KCTD19: variants seen among roughly 807,000 people sequenced by gnomAD.
KCTD19 encodes the protein potassium channel tetramerization domain containing 19.
A neutral mutation model predicts 103.5 loss-of-function variants in KCTD19; 67 were observed. That is an observed-to-expected ratio of 0.65 (90% CI 0.53 to 0.79). The LOEUF (loss-of-function observed/expected upper bound fraction) is 0.79. Ranked by LOEUF, KCTD19 falls within the 30% of genes least tolerant of loss-of-function variation. KCTD19 has a pLI of 0.00. For missense variants in KCTD19, 980 were observed against 1,136.1 expected (o/e 0.86, Z 1.98); for synonymous variants, 439 against 452.2 (o/e 0.97, Z 0.37).
chr16:67,321,017 A>G lies in KCTD19; in HGVS notation c.4-132T>C, dbSNP rs1036046094. On this transcript the variant is annotated intron_variant, in intron 1 of 15. Transcript: ENST00000304372. ...GTATATAAAAAATCCTAAGGAATTC[A>G]CCAGAAAACTATTAGAAATAAGTCC... 5 of 828,402 alleles carry G rather than the reference A, an allele frequency of 6.0e-6. No individual in the cohort carries two copies. The African/African-American group carries it at 6.9e-5, about 11-fold the overall frequency. 51.3% of individuals were successfully genotyped at this position (828,402 alleles called of 1,614,324 possible).
rs537012804 is a variant in KCTD19 at position 67,297,563 on chromosome 16, T to C, written c.1087A>G (p.Ile363Val). ...LDKRDITYEP[I>V]KVALKTHLEP... is the part of the protein sequence containing the mutation. ...AGATGAGTCTTCAAAGCAACTTTGA[T>C]TGGCTCGTAGGTGATGTCCCTTTTG... Residue 363 changes from isoleucine to valine, a missense_variant, in exon 7 of 16, where the codon ATC becomes GTC. Ile to Val is a conservative substitution (Grantham distance 29). Transcript: ENST00000304372. The C allele has an allele frequency of 1.2e-6, 2 of 1,614,130 alleles. No homozygotes were observed. The highest frequency in any genetic ancestry group is 2.2e-5 in the East Asian group (1 of 44,878).
chr16:67,294,458 C>T, intron 11 of KCTD19, 122 bp downstream of exon 11: 1 of 730,932 alleles, frequency 1.4e-6, no homozygotes, highest in Non-Finnish European at 2.3e-6. Context: ...CCTAGGAACC[C>T]ATGTAGGCTC....
chr16:67,297,728 A>G (rs1228628720), intron 6 of KCTD19, 65 bp from the exon 7 acceptor site: 3 of 1,516,736 alleles, frequency 2.0e-6, no homozygotes, highest in Admixed American at 3.7e-5. Context: ...TCGAGCCTGT[A>G]AACTTTCCAT....
chr16:67,292,571 T>G (rs1264863779), intron 12 of KCTD19, among the ~76,000 whole-genome samples: 2 of 152,176 alleles, frequency 1.3e-5, no homozygotes, highest in Non-Finnish European at 2.9e-5. Flanking sequence ...ACAGACCAAC[T>G]TAGGGCTCAC....
At chr16:67,298,398 C>G (rs2036792931) in intron 6 of KCTD19, among the ~76,000 whole-genome samples, 1 of 152,150 alleles carries the variant, frequency 6.6e-6, no homozygotes, top group Non-Finnish European at 1.5e-5. Flanking sequence ...GCAAAGCCCT[C>G]TAAATGGACT....
intron 2 of KCTD19, chr16:67,305,686 A>G (rs1367706668): frequency 9.1e-6 from 4 of 439,854 alleles, no homozygotes; most frequent in African/African-American, 2.0e-5. Flanking sequence ...AAGAAGATAC[A>G]TAGTATTTTC....
At chr16:67,295,806 G>A (rs1429177170) in intron 8 of KCTD19, 8 of 337,960 alleles carry the variant, frequency 2.4e-5, no homozygotes, top group Non-Finnish European at 3.4e-5. Flanking sequence ...GTGCAGTGGC[G>A]CGATCTCAGC....
At position 67,320,583 on chromosome 16, in the gene KCTD19, T is replaced by A; in HGVS notation, c.300+6A>T. 1 of 1,612,470 alleles carries A rather than the reference T, an allele frequency of 6.2e-7. No homozygotes were observed. The highest frequency in any genetic ancestry group is 1.7e-4 in the Middle Eastern group (1 of 6,044). ...CCACCACTCCCAGAAAACAAGAGCA[T>A]CTTACCTGCAGCAAAGGCATCAGCT... On this transcript the variant is annotated splice_donor_region_variant and intron_variant, in intron 2 of 15. Coordinates refer to ENST00000304372, the MANE Select transcript of KCTD19 (RefSeq NM_001100915.3). This position sits in a 1 kb window ranked among gnomAD's most constrained non-coding sequence, Gnocchi z 4.0.
At position 67,299,496 on chromosome 16, in the gene KCTD19, GT is replaced by G. The variant is rs2036809006; in HGVS notation, c.852del (p.Lys284AsnfsTer28). The G allele has an allele frequency of 6.2e-7, 1 of 1,613,616 alleles. No homozygotes were observed. Among genetic ancestry groups the G allele is most frequent in the Non-Finnish European group, 8.5e-7 (1 of 1,179,888 alleles). ...AGACCCAGGGCCATTGTGTAGAGCG[GT>G]TTCACGGACTCCAGGCTGGCTGTGC... ...GARTASLESV[K>X]PLYTMALGLL... On this transcript the variant is annotated frameshift_variant, in exon 6 of 16. Transcript: ENST00000304372. LOFTEE classifies it high-confidence loss of function.
intron 2 of KCTD19, among the ~76,000 whole-genome samples, chr16:67,316,094 T>A (rs966501351): frequency 1.3e-5 from 2 of 152,228 alleles, no homozygotes; most frequent in Non-Finnish European, 2.9e-5. Flanking sequence ...CTGGCCGAAG[T>A]GCAGTGGTGC....
In KCTD19 at chr16:67,315,775, G is replaced by C. The variant is rs185997734; in HGVS notation, c.300+4814C>G. Among the ~76,000 whole-genome samples, 8 of 151,936 alleles carry C rather than the reference G, an allele frequency of 5.3e-5. No individual in the cohort carries two copies. In the East Asian group the frequency reaches 1.5e-3, roughly 29 times the overall value. ...ATTACAGGTGTGAGCCACCGTGCCT[G>C]GCTAATTTTTTTGTTTTTTAGCAGA... On this transcript the variant is annotated intron_variant, in intron 2 of 15. Transcript: ENST00000304372.
intron 2 of KCTD19, chr16:67,305,726 G>A (rs2036885505): frequency 2.7e-6 from 1 of 376,434 alleles, no homozygotes; most frequent in African/African-American, 2.1e-5. Flanking sequence ...AGCAGGGCAA[G>A]TGGTACTTTA....
At chr16:67,310,984 C>T (rs2036943205) in intron 2 of KCTD19, among the ~76,000 whole-genome samples, 1 of 152,206 alleles carries the variant, frequency 6.6e-6, no homozygotes, top group South Asian at 2.1e-4. Context: ...CATTTAAAAC[C>T]TACCCCTTCA....
At chr16:67,311,719 C>CTG (rs138127426) in intron 2 of KCTD19, among the ~76,000 whole-genome samples, 11 of 150,204 alleles carry the variant, frequency 7.3e-5, no homozygotes, top group East Asian at 2.0e-4. Context: ...GTGTGTGTGC[C>CTG]TGTGTGTGTG....
In KCTD19 at chr16:67,320,278, C is replaced by CA. The variant is rs1419849264; in HGVS notation, c.300+310dup. On this transcript the variant is annotated intron_variant, in intron 2 of 15. Coordinates refer to ENST00000304372, the MANE Select transcript of KCTD19 (RefSeq NM_001100915.3). This position sits in a 1 kb window ranked among gnomAD's most constrained non-coding sequence, Gnocchi z 4.0. ...GCATGCACCTGTGTTCCCAGCTACT[C>CA]AGAGGGACTGAGGTGGGAGGTGGGA... Among the ~76,000 whole-genome samples the CA allele has an allele frequency of 6.6e-6, 1 of 152,114 alleles. No individual in the cohort carries two copies. Among genetic ancestry groups the CA allele is most frequent in the African/African-American group, 2.4e-5 (1 of 41,412 alleles).
Position 67,293,935 on chromosome 16 carries a change from TG to T in KCTD19, c.1826del (p.Pro609GlnfsTer31), listed in dbSNP as rs777850527. On this transcript the variant is annotated frameshift_variant, in exon 12 of 16. Coordinates refer to ENST00000304372, the MANE Select transcript of KCTD19 (RefSeq NM_001100915.3). LOFTEE classifies it high-confidence loss of function. This position sits in a 1 kb window ranked among gnomAD's most constrained non-coding sequence, Gnocchi z 4.0. ...GHWGSHPESPPKKKCTTINLT... is the reference protein window; with the variant it reads ...GHWGSHPESPXKKKCTTINLT... ...GGTTGATTGTGGTGCATTTCTTCTT[TG>T]GGGGGCTCTCAGGGTGGCTCCCCCA... is the stretch of plus-strand genomic sequence containing the variant. 1 of 1,614,018 alleles carries T rather than the reference TG, an allele frequency of 6.2e-7. No homozygotes were observed. The highest frequency in any genetic ancestry group is 1.3e-5 in the African/African-American group (1 of 74,916).
chr16:67,305,744 C>T (rs1401814801), intron 2 of KCTD19: 1 of 346,026 alleles, frequency 2.9e-6, no homozygotes, highest in Non-Finnish European at 5.8e-6. Flanking sequence ...TTAAAGGCAC[C>T]AGATCCTCAA....
Position 67,300,415 on chromosome 16 carries a change from C to T in KCTD19, c.776-842G>A, listed in dbSNP as rs1423410247. On this transcript the variant is annotated intron_variant, in intron 5 of 15. Transcript: ENST00000304372. The surrounding 1 kb of genome is among the most constrained non-coding windows in gnomAD (Gnocchi z 4.5). ...TGCTTTGTAGAAAGCTAAAGCCACC[C>T]TTTGTGTTTGAGGAGTGCTGCCAGC... is the stretch of plus-strand genomic sequence containing the variant. 6.6e-6 allele frequency: 1 copy of T among 152,254 alleles called. No homozygotes were observed. The highest frequency in any genetic ancestry group is 2.4e-5 in the African/African-American group (1 of 41,462). 9.4% of individuals were successfully genotyped at this position (152,254 alleles called of 1,614,324 possible).
chr16:67,297,691 G>T, intron 6 of KCTD19, 28 bp from the exon 7 acceptor site: 1 of 1,610,086 alleles, frequency 6.2e-7, no homozygotes, highest in South Asian at 1.1e-5. Flanking sequence ...CTGTCATGAA[G>T]AACATCAGCA....
Sources: allele counts gnomAD v4.1 joint callset (sites outside exome capture counted in the v4.1 genomes callset), GRCh38; gene constraint gnomAD v4.1.1; non-coding constraint Gnocchi (gnomAD v3.1); transcripts MANE v1.5; gene names NCBI Gene and HGNC (gene_info 2026-07-23, HGNC 2026-07-21).